The following GALNT10 variants were observed in gnomAD, a reference collection of about 807,000 sequenced individuals.
The protein encoded by GALNT10 is GalNAc transferase 10.
A neutral mutation model predicts 75.0 loss-of-function variants in GALNT10; 41 were observed. That is an observed-to-expected ratio of 0.55 (90% CI 0.43 to 0.71). The LOEUF is 0.71. GALNT10 is among the 30% of genes least tolerant of loss of function. GALNT10 has a pLI of 0.00. For synonymous variants in GALNT10, 302 were observed against 313.0 expected (o/e 0.96, Z 0.37); for missense variants, 727 against 818.5 (o/e 0.89, Z 1.36).
intron 3 of GALNT10, among the ~76,000 whole-genome samples, chr5:154,327,290 T>C (rs1433764444): frequency 6.6e-6 from 1 of 152,174 alleles, no homozygotes; most frequent in Non-Finnish European, 1.5e-5. Flanking sequence ...AACCTAGTAG[T>C]AAGGAACACC....
intron 7 of GALNT10, 195 bp downstream of exon 7, chr5:154,386,625 G>C (rs1290597047): frequency 1.3e-5 from 8 of 621,024 alleles, no homozygotes; most frequent in South Asian, 7.6e-5. Context: ...GGGAGGGAAG[G>C]GGAGTACTCT....
intron 5 of GALNT10, among the ~76,000 whole-genome samples, chr5:154,379,645 G>A (rs1450278211): frequency 6.6e-6 from 1 of 152,216 alleles, no homozygotes; most frequent in Non-Finnish European, 1.5e-5. Context: ...ACCAAAGCTG[G>A]AATTGTGTTG....
At position 154,297,964 on chromosome 5, in the gene GALNT10, T is replaced by C; in HGVS notation, c.286T>C (p.Tyr96His). The stretch of plus-strand genomic sequence containing the variant: ...AGGAAATGGAGAACAAGGAAGACCT[T>C]ACCCCATGACCGATGCTGAGAGAGT... The part of the protein sequence containing the change: ...RVGNGEQGRP[Y>H]PMTDAERVDQ... Residue 96 changes from tyrosine to histidine, a missense_variant, in exon 3 of 12, where the codon TAC becomes CAC. Physicochemically the swap from Tyr to His is moderately conservative, Grantham distance 83. Coordinates refer to ENST00000297107, the MANE Select transcript of GALNT10 (RefSeq NM_198321.4). 2 of 1,613,806 alleles carry C rather than the reference T, an allele frequency of 1.2e-6. No individual in the cohort carries two copies. The highest frequency in any genetic ancestry group is 1.7e-6 in the Non-Finnish European group (2 of 1,179,778).
At chr5:154,293,683 C>T (rs1322446397) in intron 1 of GALNT10, among the ~76,000 whole-genome samples, 2 of 150,868 alleles carry the variant, frequency 1.3e-5, no homozygotes, top group Non-Finnish European at 2.9e-5. Flanking sequence ...CATGTTTATT[C>T]TCTTTGGGTC....
chr5:154,212,749 A>G (rs899938217), intron 1 of GALNT10, among the ~76,000 whole-genome samples: 2 of 152,152 alleles, frequency 1.3e-5, no homozygotes, highest in African/African-American at 4.8e-5. Context: ...CGGGCAGATC[A>G]CAAGGTCAGG....
intron 10 of GALNT10, 24 bp from the exon 11 acceptor site, chr5:154,415,759 T>A: frequency 6.3e-7 from 1 of 1,599,148 alleles, no homozygotes; most frequent in Non-Finnish European, 8.5e-7. Flanking sequence ...TTGCTATCCC[T>A]ATTTATGATG....
At chr5:154,388,477 A>G (rs1755840254) in intron 7 of GALNT10, 1 of 152,186 alleles carries the variant, frequency 6.6e-6, no homozygotes, top group East Asian at 1.9e-4. Flanking sequence ...GGAGAGTTGT[A>G]TCATTATTAT....
rs1754311013 is a variant in GALNT10, at chr5:154,298,231, G to A, written c.401+152G>A. The A allele has an allele frequency of 1.4e-6, 1 of 723,062 alleles. No homozygotes were observed. The highest frequency in any genetic ancestry group is 2.4e-6 in the Non-Finnish European group (1 of 424,002). The allele number at this position is 723,062 out of a possible 1,614,324, so 44.8% of individuals were successfully genotyped here. A position where few individuals can be genotyped will look rare whatever the true frequency, so the allele number is the denominator to read the frequency against. On this transcript the variant is annotated intron_variant, in intron 3 of 11. Transcript: ENST00000297107. The surrounding 1 kb of genome is among the most constrained non-coding windows in gnomAD (Gnocchi z 4.1). Reference sequence around the variant, plus strand: ...GTGCAAAGGTTCATGGTGTTGAGGGGTAGGAGATAATACTGTCTCTCCAGA... The same window carrying A: ...GTGCAAAGGTTCATGGTGTTGAGGGATAGGAGATAATACTGTCTCTCCAGA...
intron 4 of GALNT10, among the ~76,000 whole-genome samples, chr5:154,339,923 ATAGTCTTCCT>A (rs1426841075): frequency 1.3e-5 from 2 of 152,234 alleles, no homozygotes; most frequent in African/African-American, 4.8e-5. Context: ...CCCTTCTGTC[ATAGTCTTCCT>A]TAGGAAAGCT....
At chr5:154,197,838 G>C (rs954625559) in intron 1 of GALNT10, among the ~76,000 whole-genome samples, 6 of 152,180 alleles carry the variant, frequency 3.9e-5, no homozygotes, top group African/African-American at 1.4e-4. Context: ...ACTGAAGCTC[G>C]AAGAGGGGCA....
chr5:154,377,126 C>G (rs1302660904), intron 5 of GALNT10, among the ~76,000 whole-genome samples: 3 of 152,180 alleles, frequency 2.0e-5, no homozygotes, highest in African/African-American at 7.2e-5. Context: ...GCAGCGTGAT[C>G]CACTAGCCCT....
intron 4 of GALNT10, among the ~76,000 whole-genome samples, chr5:154,343,550 G>A (rs1456590147): frequency 6.6e-6 from 1 of 152,138 alleles, no homozygotes; most frequent in Non-Finnish European, 1.5e-5. Context: ...CCTGTTTGAG[G>A]CCTCAACCAA....
intron 1 of GALNT10, among the ~76,000 whole-genome samples, chr5:154,273,392 G>A (rs1474237348): frequency 6.6e-6 from 1 of 152,200 alleles, no homozygotes; most frequent in Non-Finnish European, 1.5e-5. Context: ...TGTTCAGGGA[G>A]TGAGGCCAGC....
At chr5:154,285,158 C>T (rs79432988) in intron 1 of GALNT10, among the ~76,000 whole-genome samples, 2,924 of 152,206 alleles carry the variant, frequency 0.019, 44 homozygotes, top group Non-Finnish European at 0.032. Flanking sequence ...TACTTATCTT[C>T]CTAGAGTAGG....
chr5:154,265,368 A>G (rs528184), intron 1 of GALNT10, among the ~76,000 whole-genome samples: 37,179 of 152,098 alleles, frequency 0.24, 5,530 homozygotes, highest in African/African-American at 0.42. Flanking sequence ...TGATGCTGAC[A>G]AGGCCTTTCA....
chr5:154,363,399 A>G (rs2113157713), intron 4 of GALNT10, among the ~76,000 whole-genome samples: 1 of 149,472 alleles, frequency 6.7e-6, no homozygotes, highest in East Asian at 2.1e-4. Flanking sequence ...CCAAAAATGG[A>G]GACCACCTGT....
At chr5:154,297,433 G>A (rs948310947) in intron 2 of GALNT10, among the ~76,000 whole-genome samples, 1 of 152,192 alleles carries the variant, frequency 6.6e-6, no homozygotes, top group Non-Finnish European at 1.5e-5. Flanking sequence ...GTGTTTTGTA[G>A]TTTACAAAAA....
chr5:154,343,144 A>G (rs1561666539), intron 4 of GALNT10, among the ~76,000 whole-genome samples: 1 of 147,502 alleles, frequency 6.8e-6, no homozygotes, highest in Non-Finnish European at 1.5e-5. Flanking sequence ...GTCTCGGTGG[A>G]GTCCAGGAAT....
intron 1 of GALNT10, among the ~76,000 whole-genome samples, chr5:154,226,400 A>G (rs1409006857): frequency 6.6e-6 from 1 of 152,178 alleles, no homozygotes; most frequent in African/African-American, 2.4e-5. Flanking sequence ...GGCTCTTGAT[A>G]GCAAACTCTC....
Sources: allele counts gnomAD v4.1 joint callset (sites outside exome capture counted in the v4.1 genomes callset), GRCh38; gene constraint gnomAD v4.1.1; non-coding constraint Gnocchi (gnomAD v3.1); transcripts MANE v1.5; gene names NCBI Gene and HGNC (gene_info 2026-07-23, HGNC 2026-07-21).